The following ANXA4 variants were observed in gnomAD, a reference collection of about 807,000 sequenced individuals.
The protein encoded by ANXA4 is annexin A4.
ANXA4 carries 39 observed loss-of-function variants against 49.8 expected under a neutral mutation model. The ratio of observed to expected loss-of-function variants is 0.78; its 90% CI spans 0.61 to 1.02. The LOEUF (loss-of-function observed/expected upper bound fraction) is 1.02, where lower values mean the gene tolerates loss of function less well. ANXA4 is among the 50% of genes least tolerant of loss of function. ANXA4 has a pLI of 0.00. For missense variants in ANXA4, 360 were observed against 410.1 expected (o/e 0.88, Z 1.05); for synonymous variants, 134 against 152.5 (o/e 0.88, Z 0.89).
At chr2:69,729,401 T>C (rs1316841212) in intron 3 of ANXA4, among the ~76,000 whole-genome samples, 1 of 152,270 alleles carries the variant, frequency 6.6e-6, no homozygotes, top group East Asian at 1.9e-4. Flanking sequence ...TGACAATTTA[T>C]TTTTAAAACA....
At chr2:69,699,045 C>T (rs1204107495) in intron 2 of ANXA4, among the ~76,000 whole-genome samples, 1 of 152,014 alleles carries the variant, frequency 6.6e-6, no homozygotes, top group Non-Finnish European at 1.5e-5. Flanking sequence ...AGGAAAGATT[C>T]GGGTGAGGGG....
chr2:69,818,613 A>T lies in ANXA4; in HGVS notation c.643A>T (p.Lys215Ter). ...ATTGTCTGCAGTGTTTGATGAATAC[A>T]AAAGGATATCACAGAAGGATATTGA... ...NHLLHVFDEY[K>*]RISQKDIEQS... The change falls in exon 10 of 13, where the codon AAA (lysine) becomes TAA (stop). Residue 215 changes from lysine (K) to a stop codon, truncating the protein, a stop_gained. Coordinates refer to ENST00000394295, the MANE Select transcript of ANXA4 (RefSeq NM_001153.5). LOFTEE classifies it high-confidence loss of function. The T allele has an allele frequency of 6.2e-7, 1 of 1,603,720 alleles. No homozygotes were observed. Among genetic ancestry groups the T allele is most frequent in the Non-Finnish European group, 8.5e-7 (1 of 1,174,452 alleles).
chr2:69,784,154 T>C (rs1210763932), intron 2 of ANXA4, among the ~76,000 whole-genome samples: 1 of 152,234 alleles, frequency 6.6e-6, no homozygotes, highest in African/African-American at 2.4e-5. Flanking sequence ...TGGGACAGAA[T>C]TCCCTGTCTT....
intron 2 of ANXA4, among the ~76,000 whole-genome samples, chr2:69,717,516 T>G (rs1291658846): frequency 6.6e-6 from 1 of 152,212 alleles, no homozygotes; most frequent in Non-Finnish European, 1.5e-5. Context: ...CAATATTATT[T>G]TGTGAGTTCA....
At chr2:69,681,199 A>G (rs1307924587) in intron 2 of ANXA4, among the ~76,000 whole-genome samples, 1 of 152,028 alleles carries the variant, frequency 6.6e-6, no homozygotes, top group Non-Finnish European at 1.5e-5. Flanking sequence ...TGGTCTGTTC[A>G]GGTTTCCATA....
At chr2:69,691,274 C>T (rs1396483439) in intron 2 of ANXA4, among the ~76,000 whole-genome samples, 1 of 152,080 alleles carries the variant, frequency 6.6e-6, no homozygotes. Context: ...CAGGCGCCCA[C>T]TTCCATGCCC....
intron 5 of ANXA4, among the ~76,000 whole-genome samples, chr2:69,807,117 A>G (rs1673473837): frequency 6.6e-6 from 1 of 152,240 alleles, no homozygotes; most frequent in Non-Finnish European, 1.5e-5. Context: ...ACTTTACATT[A>G]TACCAATTAT....
At chr2:69,644,719 T>C (rs1420108429) in exon 1 of ANXA4, 1 of 152,228 alleles carries the variant, frequency 6.6e-6, no homozygotes, top group African/African-American at 2.4e-5. Context: ...ACGCTGTGGG[T>C]GCGCATCAAA....
At chr2:69,661,037 G>C (rs1676696742) in intron 2 of ANXA4, among the ~76,000 whole-genome samples, 1 of 152,068 alleles carries the variant, frequency 6.6e-6, no homozygotes, top group Admixed American at 6.6e-5. Context: ...AACTCAAAGA[G>C]AGGAAATATA....
At chr2:69,764,190 T>C (rs1380963432) in intron 1 of ANXA4, among the ~76,000 whole-genome samples, 1 of 152,130 alleles carries the variant, frequency 6.6e-6, no homozygotes, top group Admixed American at 6.5e-5. Flanking sequence ...GTGATGAACG[T>C]CTTGGGGTTC....
At chr2:69,790,925 A>C (rs1474831091) in intron 3 of ANXA4, among the ~76,000 whole-genome samples, 1 of 152,222 alleles carries the variant, frequency 6.6e-6, no homozygotes, top group East Asian at 1.9e-4. Flanking sequence ...TTTTGTTAAA[A>C]ATAATCTATG....
intron 2 of ANXA4, chr2:69,674,430 C>G (rs1046079814): frequency 4.6e-5 from 7 of 152,208 alleles, no homozygotes; most frequent in Non-Finnish European, 7.3e-5. Context: ...ATCTGCGCAA[C>G]TGGCAAAGGC....
chr2:69,704,009 A>C (rs954406805), intron 2 of ANXA4, among the ~76,000 whole-genome samples: 2 of 151,824 alleles, frequency 1.3e-5, no homozygotes, highest in African/African-American at 4.8e-5. Flanking sequence ...CCCTCCCCTA[A>C]TATCTTTCTG....
chr2:69,654,053 A>G (rs946525340), intron 2 of ANXA4, among the ~76,000 whole-genome samples: 1 of 152,164 alleles, frequency 6.6e-6, no homozygotes, highest in African/African-American at 2.4e-5. Flanking sequence ...GCAATTGTGA[A>G]TGGGAGTTCA....
chr2:69,761,069 T>C (rs1671265549), intron 1 of ANXA4, among the ~76,000 whole-genome samples: 1 of 151,910 alleles, frequency 6.6e-6, no homozygotes, highest in Admixed American at 6.6e-5. Flanking sequence ...CAAGTTTGAA[T>C]TGTCTAGTAA....
intron 1 of ANXA4, among the ~76,000 whole-genome samples, chr2:69,770,716 T>C (rs1671671771): frequency 6.6e-6 from 1 of 152,156 alleles, no homozygotes; most frequent in Non-Finnish European, 1.5e-5. Flanking sequence ...TCATTAAACC[T>C]GTACGCACAC....
At chr2:69,716,800 TG>T (rs1669653205) in intron 2 of ANXA4, among the ~76,000 whole-genome samples, 1 of 152,230 alleles carries the variant, frequency 6.6e-6, no homozygotes, top group African/African-American at 2.4e-5. Context: ...GTTTTGTTCA[TG>T]TGCAGTTTGA....
intron 3 of ANXA4, among the ~76,000 whole-genome samples, chr2:69,793,123 G>T (rs898118695): frequency 6.6e-6 from 1 of 151,900 alleles, no homozygotes; most frequent in Non-Finnish European, 1.5e-5. Flanking sequence ...GTGGTGGCGC[G>T]TGCCTGTAAT....
intron 2 of ANXA4, among the ~76,000 whole-genome samples, chr2:69,708,491 A>G (rs1017589444): frequency 6.6e-6 from 1 of 152,054 alleles, no homozygotes; most frequent in African/African-American, 2.4e-5. Flanking sequence ...GCTACTCGGG[A>G]GGCTGAGGTG....
Sources: gnomAD v4.1 joint callset for allele counts (sites outside exome capture counted in the v4.1 genomes callset) on GRCh38, gnomAD v4.1.1 for gene constraint, MANE v1.5 for transcripts, NCBI Gene and HGNC (gene_info 2026-07-23, HGNC 2026-07-21) for gene names.